The following PALD1 variants were observed in gnomAD, a reference collection of about 807,000 sequenced individuals.
PALD1 encodes phosphatase domain containing paladin 1.
A neutral mutation model predicts 96.0 loss-of-function variants in PALD1; 57 were observed. That is an observed-to-expected ratio of 0.59 (90% CI 0.48 to 0.74). The LOEUF is 0.74. Ranked by LOEUF, PALD1 falls within the 30% of genes least tolerant of loss-of-function variation. PALD1 has a pLI of 0.00. For missense variants in PALD1, 1,063 were observed against 1,143.7 expected, an observed-to-expected ratio of 0.93 and a Z score of 1.02; for synonymous variants, 464 against 473.6, an observed-to-expected ratio of 0.98 and a Z score of 0.26.
the PALD1 span, among the ~76,000 whole-genome samples, chr10:70,471,858 T>C: frequency 6.6e-6 from 1 of 152,198 alleles, no homozygotes; most frequent in African/African-American, 2.4e-5. Context: ...AGAGTGGTGG[T>C]CTGGCTGGGA....
chr10:70,513,492 A>G (rs923007342), intron 1 of PALD1, among the ~76,000 whole-genome samples: 28 of 152,170 alleles, frequency 1.8e-4, no homozygotes, highest in African/African-American at 5.8e-4. Context: ...CCTGGGCGAC[A>G]CAGTGAGAAT....
the PALD1 span, among the ~76,000 whole-genome samples, chr10:70,472,453 G>C: frequency 6.8e-4 from 104 of 152,170 alleles, no homozygotes; most frequent in African/African-American, 2.4e-3. Flanking sequence ...TAGAGATGGG[G>C]TTTCACCACG....
At chr10:70,520,838 C>G (rs1413168615) in intron 1 of PALD1, among the ~76,000 whole-genome samples, 1 of 151,384 alleles carries the variant, frequency 6.6e-6, no homozygotes, top group African/African-American at 2.4e-5. Context: ...ATTACAGGCG[C>G]CTGCCAGCAC....
chr10:70,499,362 T>C (rs1846253173), intron 1 of PALD1, among the ~76,000 whole-genome samples: 2 of 152,188 alleles, frequency 1.3e-5, no homozygotes, highest in Admixed American at 6.5e-5. Context: ...CAGCCCCAGG[T>C]CCCCTTCCTG....
At chr10:70,473,481 A>C in the PALD1 span, among the ~76,000 whole-genome samples, 1 of 152,154 alleles carries the variant, frequency 6.6e-6, no homozygotes, top group African/African-American at 2.4e-5. Flanking sequence ...CCCTGCAGGG[A>C]CCAGAAGAAA....
Position 70,506,697 on chromosome 10 carries a change from G to C in PALD1, c.-29-19226G>C, listed in dbSNP as rs537690034. On this transcript the variant is annotated intron_variant, in intron 1 of 19. Coordinates refer to ENST00000263563, the MANE Select transcript of PALD1 (RefSeq NM_014431.3). ...GTGAAGGGCCCAGGGGACTTGATAG[G>C]TGCCCCATTTTACTTGCCCCTCTGA... Among the ~76,000 whole-genome samples, 4 of 152,252 alleles carry C rather than the reference G, an allele frequency of 2.6e-5. No homozygotes were observed. The East Asian group carries it at 7.7e-4, about 29-fold the overall frequency.
the PALD1 span, among the ~76,000 whole-genome samples, chr10:70,472,998 G>A: frequency 1.3e-5 from 2 of 152,168 alleles, no homozygotes; most frequent in Non-Finnish European, 2.9e-5. Context: ...TGGAAACTGA[G>A]GCTCAGAGAG....
At chr10:70,498,505 C>T (rs12569622) in intron 1 of PALD1, among the ~76,000 whole-genome samples, 13,620 of 151,826 alleles carry the variant, frequency 0.09, 1,030 homozygotes, top group East Asian at 0.38. Context: ...GTATCAAACT[C>T]CTGACTTCAA....
intron 1 of PALD1, among the ~76,000 whole-genome samples, chr10:70,491,322 G>A (rs1846094145): frequency 6.6e-6 from 1 of 152,198 alleles, no homozygotes; most frequent in Non-Finnish European, 1.5e-5. Flanking sequence ...CTGTCAACAT[G>A]CACATGGTCC....
chr10:70,495,052 A>G (rs4747039), intron 1 of PALD1, among the ~76,000 whole-genome samples: 106,648 of 152,138 alleles, frequency 0.7, 39,210 homozygotes, highest in East Asian at 0.96. Flanking sequence ...CTGTGTGCAC[A>G]AGGATTTTGC....
intron 17 of PALD1, among the ~76,000 whole-genome samples, chr10:70,546,412 GT>G (rs932999472): frequency 1.3e-5 from 2 of 151,944 alleles, no homozygotes; most frequent in South Asian, 2.1e-4. Context: ...TATTCCCATG[GT>G]TTTTTTTGTA....
rs903106041 is a variant in PALD1, at chr10:70,538,360, C to T, written c.1404C>T (p.Ser468=). Residue 468 remains serine (S), a synonymous_variant, in exon 12 of 20, where the codon AGC becomes AGT. Transcript: ENST00000263563. The part of the protein sequence containing the change: ...PELYRLPVTL[S]SAGPVAPRDL... The stretch of plus-strand genomic sequence containing the variant: ...TGTACCGCCTGCCCGTGACGCTGAG[C>T]TCAGCAGGCCCTGTGGCTCCGAGGG... 3 of 1,610,830 alleles carry T rather than the reference C, an allele frequency of 1.9e-6. No individual in the cohort carries two copies. The African/African-American group carries it at 4.0e-5, about 21-fold the overall frequency.
chr10:70,522,312 C>T (rs1447730176), intron 1 of PALD1, among the ~76,000 whole-genome samples: 1 of 152,186 alleles, frequency 6.6e-6, no homozygotes, highest in Non-Finnish European at 1.5e-5. Flanking sequence ...TGCTAGGATT[C>T]TCCAAGCTTG....
chr10:70,494,055 G>T (rs559419545), intron 1 of PALD1, among the ~76,000 whole-genome samples: 1 of 152,098 alleles, frequency 6.6e-6, no homozygotes, highest in Non-Finnish European at 1.5e-5. Context: ...TGTCACAGCC[G>T]CACCGGCTAG....
At position 70,539,167 on chromosome 10, in the gene PALD1, G is replaced by C; in HGVS notation, c.1645G>C (p.Glu549Gln). Residue 549 changes from glutamate to glutamine, a missense_variant, in exon 14 of 20, where the codon GAG becomes CAG. Transcript: ENST00000263563. This position sits in a 1 kb window ranked among gnomAD's most constrained non-coding sequence, Gnocchi z 4.5. Reference sequence around the variant, plus strand: ...GAAGGTTGTCTGGGTGAGCCTTCGGGAGGAGGCCGTGTTGGAGTGTGACGG... The same window carrying C: ...GAAGGTTGTCTGGGTGAGCCTTCGGCAGGAGGCCGTGTTGGAGTGTGACGG... Reference protein sequence around the residue: ...LRKVVWVSLREEAVLECDGHT... With the variant: ...LRKVVWVSLRQEAVLECDGHT... 1 of 1,613,462 alleles carries C rather than the reference G, an allele frequency of 6.2e-7. No individual in the cohort carries two copies.
chr10:70,525,163 G>A (rs1846828828), intron 1 of PALD1, among the ~76,000 whole-genome samples: 3 of 149,122 alleles, frequency 2.0e-5, no homozygotes, highest in Admixed American at 2.0e-4. Flanking sequence ...CACCATGCCT[G>A]GCTAATTTTG....
At chr10:70,461,757 G>T in the PALD1 span, among the ~76,000 whole-genome samples, 1 of 152,156 alleles carries the variant, frequency 6.6e-6, no homozygotes, top group Non-Finnish European at 1.5e-5. Flanking sequence ...GCTTTTTTGA[G>T]ATTTACGACT....
At chr10:70,483,027 G>C (rs1170988593) in intron 1 of PALD1, among the ~76,000 whole-genome samples, 1 of 152,098 alleles carries the variant, frequency 6.6e-6, no homozygotes. Context: ...GAGGTGCAGG[G>C]GCTCCGAAGG....
intron 1 of PALD1, among the ~76,000 whole-genome samples, chr10:70,513,244 C>T (rs1254719363): frequency 6.6e-6 from 1 of 152,222 alleles, no homozygotes; most frequent in African/African-American, 2.4e-5. Flanking sequence ...CCTGTAATCT[C>T]ACCACTTTGG....
Sources: allele counts gnomAD v4.1 joint callset (sites outside exome capture counted in the v4.1 genomes callset), GRCh38; gene constraint gnomAD v4.1.1; non-coding constraint Gnocchi (gnomAD v3.1); transcripts MANE v1.5; gene names NCBI Gene and HGNC (gene_info 2026-07-23, HGNC 2026-07-21).